The following TRPM3 variants were observed in gnomAD, a reference collection of about 807,000 sequenced individuals.
TRPM3 encodes transient receptor potential cation channel subfamily M member 3, also known as long transient receptor potential channel 3.
A neutral mutation model predicts 181.2 loss-of-function variants in TRPM3; 77 were observed. The ratio of observed to expected loss-of-function variants is 0.42; its 90% CI spans 0.35 to 0.51. The LOEUF (loss-of-function observed/expected upper bound fraction) is 0.51, where lower values mean the gene tolerates loss of function less well. Among genes scored for constraint, TRPM3 ranks in the 20% least tolerant of loss-of-function variants. TRPM3 has a pLI of 0.01. For synonymous variants in TRPM3, 745 were observed against 796.4 expected, an observed-to-expected ratio of 0.94 and a Z score of 1.09; for missense variants, 1,759 against 2,196.7, an observed-to-expected ratio of 0.80 and a Z score of 3.98.
chr9:71,050,564 T>C (rs947338362), intron 1 of TRPM3, among the ~76,000 whole-genome samples: 19 of 152,224 alleles, frequency 1.2e-4, no homozygotes, highest in Admixed American at 6.5e-4. Flanking sequence ...TTTGATGTTA[T>C]GTATATTTTT....
intron 1 of TRPM3, among the ~76,000 whole-genome samples, chr9:70,914,913 A>C (rs2096575189): frequency 6.6e-6 from 1 of 152,186 alleles, no homozygotes; most frequent in Non-Finnish European, 1.5e-5. Context: ...GGTGCCTCCT[A>C]ATGAAGATAT....
chr9:70,684,781 C>G (rs2066342942), intron 8 of TRPM3, among the ~76,000 whole-genome samples: 1 of 152,144 alleles, frequency 6.6e-6, no homozygotes, highest in Non-Finnish European at 1.5e-5. Flanking sequence ...AACACTGAAT[C>G]TTATTTGCTA....
chr9:70,815,620 A>G (rs1588744873), intron 6 of TRPM3, among the ~76,000 whole-genome samples: 1 of 152,298 alleles, frequency 6.6e-6, no homozygotes, highest in South Asian at 2.1e-4. Context: ...TTTCTTTCCT[A>G]TGATCTTCCT....
At chr9:71,074,724 T>C (rs2063220384) in intron 1 of TRPM3, among the ~76,000 whole-genome samples, 2 of 152,176 alleles carry the variant, frequency 1.3e-5, no homozygotes, top group Non-Finnish European at 2.9e-5. Context: ...TATTACATAG[T>C]ACATTCTCAG....
At chr9:70,980,067 G>GCACACACACACACACACACACACACA (rs10527749) in intron 1 of TRPM3, among the ~76,000 whole-genome samples, 1,892 of 137,926 alleles carry the variant, frequency 0.014, 55 homozygotes, top group African/African-American at 0.038. Context: ...GCATGTGCGT[G>GCACACACACACACACACACACACACA]CACACACACA....
intron 1 of TRPM3, among the ~76,000 whole-genome samples, chr9:71,258,784 T>C (rs2082839937): frequency 6.6e-6 from 1 of 152,196 alleles, no homozygotes; most frequent in African/African-American, 2.4e-5. Context: ...AATAGAATTT[T>C]CCCTGGTCTC....
intron 1 of TRPM3, among the ~76,000 whole-genome samples, chr9:71,340,906 C>T (rs538623569): frequency 2.0e-5 from 3 of 151,980 alleles, no homozygotes; most frequent in East Asian, 1.9e-4. Flanking sequence ...ATTTGGGGTG[C>T]CAGAAAGTAA....
chr9:70,639,235 T>C (rs2057689114), intron 10 of TRPM3, 41 bp from the exon 11 acceptor site: 1 of 1,607,478 alleles, frequency 6.2e-7, no homozygotes, highest in South Asian at 1.1e-5. Flanking sequence ...CCAGGGTCTA[T>C]CTATGGATGC....
chr9:70,670,067 G>A (rs11142539), intron 9 of TRPM3, among the ~76,000 whole-genome samples: 41,782 of 151,964 alleles, frequency 0.27, 5,940 homozygotes, highest in South Asian at 0.33. Flanking sequence ...TGACTAATGG[G>A]AGAAGGAGTG....
At chr9:70,561,271 T>TGCCA (rs1181824703) in intron 22 of TRPM3, among the ~76,000 whole-genome samples, 1 of 152,244 alleles carries the variant, frequency 6.6e-6, no homozygotes, top group African/African-American at 2.4e-5. Flanking sequence ...GGATTTAGAA[T>TGCCA]GCCATTAGCA....
rs1355868663 is a variant in TRPM3, at chr9:70,536,991, C to T, written c.4122G>A (p.Leu1374=). The change falls in exon 26 of 26, where the codon CTG becomes CTA. Residue 1374 remains leucine (L), a synonymous_variant. Coordinates refer to ENST00000677713, the MANE Select transcript of TRPM3 (RefSeq NM_001366145.2). ...GGGAACTAGTAGCCCGGTGTAGGCT[C>T]AGGGACCTTTCTTTAAAAATACTTT... The part of the protein sequence containing the change: ...KLESIFKERS[L]SLHRATSSHS... 3 of 1,610,948 alleles carry T rather than the reference C, an allele frequency of 1.9e-6. No individual in the cohort carries two copies. The Admixed American group carries it at 5.0e-5, about 27-fold the overall frequency.
chr9:70,594,683 A>C (rs1286931829), intron 21 of TRPM3, among the ~76,000 whole-genome samples: 4 of 152,146 alleles, frequency 2.6e-5, no homozygotes, highest in African/African-American at 9.7e-5. Flanking sequence ...TTCTTATATT[A>C]TGCAAAGACT....
chr9:71,427,125 G>A (rs1006484996), intron 1 of TRPM3, among the ~76,000 whole-genome samples: 35 of 152,020 alleles, frequency 2.3e-4, no homozygotes, highest in African/African-American at 7.3e-4. Flanking sequence ...AATGCCTTAC[G>A]GTATTTTTTT....
chr9:71,446,669 G>T (rs995112421), exon 1 of TRPM3: 2 of 1,550,166 alleles, frequency 1.3e-6, no homozygotes, highest in African/African-American at 1.4e-5. Flanking sequence ...CTGCTGCGAC[G>T]GGAGTCCCGA....
chr9:71,120,990 C>T (rs1248692437), intron 1 of TRPM3, among the ~76,000 whole-genome samples, 188 bp downstream of exon 1: 1 of 106,326 alleles, frequency 9.4e-6, no homozygotes, highest in African/African-American at 3.7e-5. Flanking sequence ...TCTGACACCA[C>T]GGGGTGTGGG....
chr9:71,178,870 T>C (rs1418446423), intron 1 of TRPM3, among the ~76,000 whole-genome samples: 1 of 152,170 alleles, frequency 6.6e-6, no homozygotes, highest in East Asian at 1.9e-4. Flanking sequence ...TTTCTCTTAC[T>C]TCAGCGGAGT....
At chr9:71,311,910 A>G (rs936588014) in intron 1 of TRPM3, among the ~76,000 whole-genome samples, 43 of 152,304 alleles carry the variant, frequency 2.8e-4, no homozygotes, top group African/African-American at 9.9e-4. Flanking sequence ...GATTCAAAAA[A>G]TCTCATGTTT....
intron 12 of TRPM3, among the ~76,000 whole-genome samples, chr9:70,627,506 C>T (rs2064890531): frequency 6.6e-6 from 1 of 152,050 alleles, no homozygotes; most frequent in African/African-American, 2.4e-5. Flanking sequence ...CTCCTGACCT[C>T]AGGTGATCCT....
In TRPM3 at chr9:70,640,642, G is replaced by A; in HGVS notation, c.1364C>T (p.Pro455Leu). ...ALLKGANASA[P>L]DQLSLALAWN... ...GGCTAAAGCTAAGCTCAGTTGGTCTGGGGCCGAGGCATTGGCTCCTGTGTG... is the reference window on the plus strand; with the variant it reads ...GGCTAAAGCTAAGCTCAGTTGGTCTAGGGCCGAGGCATTGGCTCCTGTGTG... Residue 455 changes from proline (P) to leucine (L), a missense_variant, in exon 10 of 26, where the codon CCA becomes CTA. Pro to Leu is a moderately conservative substitution (Grantham distance 98). Coordinates refer to ENST00000677713, the MANE Select transcript of TRPM3 (RefSeq NM_001366145.2). 6.2e-7 allele frequency: 1 copy of A among 1,613,550 alleles called. No individual in the cohort carries two copies. Among genetic ancestry groups the A allele is most frequent in the South Asian group, 1.1e-5 (1 of 90,974 alleles).
Sources: allele counts gnomAD v4.1 joint callset (sites outside exome capture counted in the v4.1 genomes callset), GRCh38; gene constraint gnomAD v4.1.1; transcripts MANE v1.5; gene names NCBI Gene and HGNC (gene_info 2026-07-23, HGNC 2026-07-21).